GCN1: variants seen among roughly 807,000 people sequenced by gnomAD.
The protein encoded by GCN1 is GCN1 activator of EIF2AK4, also known as stalled ribosome sensor GCN1.
A neutral mutation model predicts 288.4 loss-of-function variants in GCN1; 90 were observed. The ratio of observed to expected loss-of-function variants is 0.31; its 90% CI spans 0.26 to 0.37. GCN1 has a LOEUF of 0.37. Among genes scored for constraint, GCN1 ranks in the 10% least tolerant of loss-of-function variants. The pLI, the probability that GCN1 is intolerant of heterozygous loss-of-function variation, is 1.00. For missense variants in GCN1, 2,586 were observed against 3,419.9 expected, an observed-to-expected ratio of 0.76 and a Z score of 6.08; for synonymous variants, 1,386 against 1,420.2, an observed-to-expected ratio of 0.98 and a Z score of 0.54.
intron 7 of GCN1, 113 bp downstream of exon 7, chr12:120,178,512 T>A (rs1402429864): frequency 2.9e-6 from 3 of 1,037,208 alleles, no homozygotes; most frequent in Non-Finnish European, 4.4e-6. Context: ...AAGTTTCAGA[T>A]AAGGTCAACA....
chr12:120,144,953 T>C lies in GCN1; in HGVS notation c.5125A>G (p.Ser1709Gly). The C allele has an allele frequency of 6.2e-7, 1 of 1,614,164 alleles. No homozygotes were observed. The highest frequency in any genetic ancestry group is 1.7e-5 in the Admixed American group (1 of 60,036). Residue 1709 changes from serine (S) to glycine (G), a missense_variant, in exon 40 of 58, where the codon AGC becomes GGC. This residue lies in a region of GCN1 where 371 missense variants were observed against 572.6 expected (regional missense o/e 0.65). Coordinates refer to ENST00000300648, the MANE Select transcript of GCN1 (RefSeq NM_006836.2). The surrounding 1 kb of genome is among the most constrained non-coding windows in gnomAD (Gnocchi z 4.7). ...GCAGCGCCTGAGCGATCCACAGAGC[T>C]CTGCTCATAGGTCAGTGTCTCCATC... is the stretch of plus-strand genomic sequence containing the variant. ...WLMETLTYEQ[S>G]SVDRSGAAQG... is the part of the protein sequence containing the mutation.
chr12:120,174,598 G>A (rs896070401), intron 12 of GCN1, among the ~76,000 whole-genome samples: 1 of 151,854 alleles, frequency 6.6e-6, no homozygotes, highest in Non-Finnish European at 1.5e-5. Flanking sequence ...AGACCATCCT[G>A]GCCAACGTGG....
intron 16 of GCN1, 122 bp downstream of exon 16, chr12:120,168,086 C>T (rs886314616): frequency 5.6e-6 from 4 of 710,030 alleles, no homozygotes; most frequent in African/African-American, 1.8e-5. Context: ...AGCTGTTGGC[C>T]AGATCACTCT....
intron 11 of GCN1, among the ~76,000 whole-genome samples, 171 bp from the exon 12 acceptor site, chr12:120,175,383 C>G (rs1034073070): frequency 6.6e-6 from 1 of 151,912 alleles, no homozygotes; most frequent in Non-Finnish European, 1.5e-5. Context: ...CTTTCTGACT[C>G]AAAAAAGAAT....
In GCN1 at chr12:120,156,481, C is replaced by G; in HGVS notation, c.3292G>C (p.Val1098Leu). 6.2e-7 allele frequency: 1 copy of G among 1,613,948 alleles called. No homozygotes were observed. The change falls in exon 28 of 58, where the codon GTG becomes CTG. Residue 1098 changes from valine to leucine, a missense_variant. Physicochemically the swap from Val to Leu is conservative, Grantham distance 32. This residue lies in a region of GCN1 where 332 missense variants were observed against 403.0 expected (regional missense o/e 0.82). Coordinates refer to ENST00000300648, the MANE Select transcript of GCN1 (RefSeq NM_006836.2). This position sits in a 1 kb window ranked among gnomAD's most constrained non-coding sequence, Gnocchi z 5.8. ...LCALQSPCAS[V>L]RETVLRGLME... ...CACACCCGGAGCACGGTTTCCCGCA[C>G]GCTGGCACACGGGGACTGCAAGGCA... is the stretch of plus-strand genomic sequence containing the variant.
chr12:120,139,184 C>T (rs1877110424), intron 45 of GCN1, among the ~76,000 whole-genome samples: 1 of 152,018 alleles, frequency 6.6e-6, no homozygotes, highest in Non-Finnish European at 1.5e-5. Flanking sequence ...GTGGTGCACA[C>T]CTGTAATCCC....
Position 120,184,806 on chromosome 12 carries a change from C to A in GCN1, c.185+18G>T. 6.3e-7 allele frequency: 1 copy of A among 1,579,688 alleles called. No homozygotes were observed. Among genetic ancestry groups the A allele is most frequent in the South Asian group, 1.1e-5 (1 of 90,388 alleles). The stretch of plus-strand genomic sequence containing the variant: ...TGTACAAAGTGCTCCACATATGGGG[C>A]CTTTGGCTGGGACTCACCTATATCG... On this transcript the variant is annotated intron_variant, in intron 3 of 57. Transcript: ENST00000300648.
In GCN1 at chr12:120,134,255, G is replaced by T; in HGVS notation, c.7317+36C>A. 1 of 1,400,622 alleles carries T rather than the reference G, an allele frequency of 7.1e-7. No individual in the cohort carries two copies. The highest frequency in any genetic ancestry group is 1.0e-6 in the Non-Finnish European group (1 of 986,100). The allele number at this position is 1,400,622 out of a possible 1,614,324, so 86.8% of individuals were successfully genotyped here. ...CTAAGGAGGAGGAGGGAAACCAGTG[G>T]TCCAGTGCTGCCACTAGTCCTGCCT... On this transcript the variant is annotated intron_variant, in intron 53 of 57. Transcript: ENST00000300648. The surrounding 1 kb of genome is among the most constrained non-coding windows in gnomAD (Gnocchi z 5.0).
rs1229791298 is a variant in GCN1, at chr12:120,160,016, C to T, written c.2558G>A (p.Gly853Glu). Residue 853 changes from glycine (G) to glutamate (E), a missense_variant, in exon 24 of 58, where the codon GGG (glycine) becomes GAG (glutamate). This residue lies in a region of GCN1 where 913 missense variants were observed against 1,107.0 expected (regional missense o/e 0.82). Transcript: ENST00000300648. The part of the protein sequence containing the change: ...QVRRRLQELD[G>E]ELEAALGLLD... Reference sequence around the variant, plus strand: ...CAGTCCAAGCGCCGCCTCCAGCTCCCCATCCAGCTGCAAGCAGAGTTGTCC... The same window carrying T: ...CAGTCCAAGCGCCGCCTCCAGCTCCTCATCCAGCTGCAAGCAGAGTTGTCC... 2 of 1,613,964 alleles carry T rather than the reference C, an allele frequency of 1.2e-6. No individual in the cohort carries two copies. The highest frequency in any genetic ancestry group is 1.3e-5 in the African/African-American group (1 of 74,912).
rs866880218 is a variant in GCN1 at position 120,160,396 on chromosome 12, C to T, written c.2437-141G>A. On this transcript the variant is annotated intron_variant, in intron 22 of 57. Coordinates refer to ENST00000300648, the MANE Select transcript of GCN1 (RefSeq NM_006836.2). ...GTTGGGCCCCTGAACCCACCATGTGCACCCCCAACCTCCCACAAAGTCCAC... is the reference window on the plus strand; with the variant it reads ...GTTGGGCCCCTGAACCCACCATGTGTACCCCCAACCTCCCACAAAGTCCAC... 43 of 626,272 alleles carry T rather than the reference C, an allele frequency of 6.9e-5. No homozygotes were observed. In the Middle Eastern group the frequency reaches 2.7e-3, roughly 40 times the overall value. 38.8% of individuals were successfully genotyped at this position (626,272 alleles called of 1,614,324 possible).
chr12:120,139,611 G>T (rs1443053724), intron 45 of GCN1, among the ~76,000 whole-genome samples: 5 of 151,880 alleles, frequency 3.3e-5, no homozygotes, highest in Non-Finnish European at 7.4e-5. Context: ...CTGGGTGACA[G>T]AGTAAGACCC....
Position 120,158,101 on chromosome 12 carries a change from T to C in GCN1, c.2906-71A>G. On this transcript the variant is annotated intron_variant, in intron 25 of 57. Transcript: ENST00000300648. The surrounding 1 kb of genome is among the most constrained non-coding windows in gnomAD (Gnocchi z 4.3). ...CCCGGGCCACTGCTGCCTATTTCTATCCTCAGGGAAAGTAGGGAACGGATG... is the reference window on the plus strand; with the variant it reads ...CCCGGGCCACTGCTGCCTATTTCTACCCTCAGGGAAAGTAGGGAACGGATG... 1 of 1,482,152 alleles carries C rather than the reference T, an allele frequency of 6.7e-7. No homozygotes were observed. The highest frequency in any genetic ancestry group is 1.2e-5 in the South Asian group (1 of 82,506). The allele number at this position is 1,482,152 out of a possible 1,614,324, so 91.8% of individuals were successfully genotyped here.
chr12:120,162,789 C>T, intron 20 of GCN1, 58 bp downstream of exon 20: 1 of 1,576,182 alleles, frequency 6.3e-7, no homozygotes, highest in Non-Finnish European at 8.7e-7. Flanking sequence ...TTCCTGTACA[C>T]TGTGATGAGA....
In GCN1 at chr12:120,173,564, A is replaced by C. The variant is rs1878375526; in HGVS notation, c.1366+89T>G. The C allele has an allele frequency of 3.9e-6, 3 of 779,072 alleles. No homozygotes were observed. The South Asian group carries it at 5.1e-5, about 13-fold the overall frequency. 48.3% of individuals were successfully genotyped at this position (779,072 alleles called of 1,614,324 possible). On this transcript the variant is annotated intron_variant, in intron 14 of 57. Coordinates refer to ENST00000300648, the MANE Select transcript of GCN1 (RefSeq NM_006836.2). The stretch of plus-strand genomic sequence containing the variant: ...TAAACAGTGCAAAATAAGCTGAACT[A>C]ACAGGGAAAGCGGGAACACTAACAA...
intron 18 of GCN1, 29 bp downstream of exon 18, chr12:120,164,307 C>A (rs1245459178): frequency 6.3e-7 from 1 of 1,591,748 alleles, no homozygotes; most frequent in Non-Finnish European, 8.6e-7. Flanking sequence ...GATCCAAGAG[C>A]CCCAGTTCTA....
intron 16 of GCN1, among the ~76,000 whole-genome samples, chr12:120,166,158 T>C (rs1476263686): frequency 6.6e-6 from 1 of 151,496 alleles, no homozygotes; most frequent in Non-Finnish European, 1.5e-5. Flanking sequence ...ATCCCAGCAC[T>C]CTGGGAGGCC....
In GCN1 at chr12:120,153,437, G is replaced by A. The variant is rs762734694; in HGVS notation, c.3868-30C>T. The A allele has an allele frequency of 6.2e-7, 1 of 1,602,022 alleles. No individual in the cohort carries two copies. Among genetic ancestry groups the A allele is most frequent in the East Asian group, 2.2e-5 (1 of 44,796 alleles). ...AAAGCCAAACCCCTCAGAGCCTCAG[G>A]TCAACCCTACAGGCTGCATCTGGGG... is the stretch of plus-strand genomic sequence containing the variant. On this transcript the variant is annotated intron_variant, in intron 32 of 57. Transcript: ENST00000300648. The surrounding 1 kb of genome is among the most constrained non-coding windows in gnomAD (Gnocchi z 4.4).
Position 120,153,141 on chromosome 12 carries a change from TC to T in GCN1, c.4062+71del. 7.6e-7 allele frequency: 1 copy of T among 1,322,756 alleles called. No homozygotes were observed. Among genetic ancestry groups the T allele is most frequent in the Non-Finnish European group, 1.1e-6 (1 of 935,688 alleles). 81.9% of individuals were successfully genotyped at this position (1,322,756 alleles called of 1,614,324 possible). ...TGATTGTCCAACTCCACCCCTAGTA[TC>T]CCACCGCCTAACCACAGCCGGGTCC... On this transcript the variant is annotated intron_variant, in intron 33 of 57. Coordinates refer to ENST00000300648, the MANE Select transcript of GCN1 (RefSeq NM_006836.2). The surrounding 1 kb of genome is among the most constrained non-coding windows in gnomAD (Gnocchi z 4.4).
At chr12:120,128,837 CT>C (rs35329199) in intron 57 of GCN1, among the ~76,000 whole-genome samples, 1,336 of 98,382 alleles carry the variant, frequency 0.014, 2 homozygotes, top group Middle Eastern at 0.025. Context: ...TCACCCAAAT[CT>C]TTTTTTTTTT....
Sources: gnomAD v4.1 joint callset for allele counts (sites outside exome capture counted in the v4.1 genomes callset) on GRCh38, gnomAD v4.1.1 for gene constraint, gnomAD v4.1.1 regional missense constraint, Gnocchi (gnomAD v3.1) non-coding constraint, MANE v1.5 for transcripts, NCBI Gene and HGNC (gene_info 2026-07-23, HGNC 2026-07-21) for gene names.